The following ACO1 variants were observed in gnomAD, a reference collection of about 807,000 sequenced individuals.
ACO1 encodes the protein aconitase 1.
In ACO1, 78 loss-of-function variants were observed where a neutral mutation model predicts 105.1. That is an observed-to-expected ratio of 0.74 (90% CI 0.62 to 0.90). The LOEUF (loss-of-function observed/expected upper bound fraction) is 0.90. ACO1 is among the 40% of genes least tolerant of loss of function. ACO1 has a pLI of 0.00. For synonymous variants in ACO1, 364 were observed against 397.4 expected (o/e 0.92, Z 1.00); for missense variants, 965 against 1,111.1 (o/e 0.87, Z 1.87).
Position 32,434,672 on chromosome 9 carries a change from T to C in ACO1, c.2070T>C (p.Ser690=). ...ISPAGNIARN[S]PAARYLTNRG... ...CAGCTGGAAATATTGCAAGAAACAG[T>C]CCTGCTGCTCGCTACTTAACTAACA... Residue 690 remains serine (S), a synonymous_variant, in exon 17 of 21, where the codon AGT becomes AGC. Coordinates refer to ENST00000309951, the MANE Select transcript of ACO1 (RefSeq NM_002197.3). The C allele has an allele frequency of 6.2e-7, 1 of 1,614,094 alleles. No homozygotes were observed. The highest frequency in any genetic ancestry group is 8.5e-7 in the Non-Finnish European group (1 of 1,179,968).
At chr9:32,428,980 GGGTATATGT>G (rs1822165110) in intron 12 of ACO1, among the ~76,000 whole-genome samples, 1 of 152,258 alleles carries the variant, frequency 6.6e-6, no homozygotes, top group African/African-American at 2.4e-5. Flanking sequence ...ATATACATTT[GGGTATATGT>G]GGTCTATCAC....
At chr9:32,425,674 C>G (rs1359153450) in intron 10 of ACO1, among the ~76,000 whole-genome samples, 164 bp from the exon 11 acceptor site, 1 of 152,150 alleles carries the variant, frequency 6.6e-6, no homozygotes. Flanking sequence ...TGCAGAGATA[C>G]TTATGCTTTT....
At chr9:32,440,948 A>T (rs1324345877) in intron 19 of ACO1, among the ~76,000 whole-genome samples, 1 of 152,042 alleles carries the variant, frequency 6.6e-6, no homozygotes, top group African/African-American at 2.4e-5. Context: ...GAGGACCCCA[A>T]ATTTATTCAG....
In ACO1 at chr9:32,443,967, C is replaced by G. The variant is rs565510393; in HGVS notation, c.2370+3380C>G. Among the ~76,000 whole-genome samples, 6 of 152,308 alleles carry G rather than the reference C, an allele frequency of 3.9e-5. No individual in the cohort carries two copies. In the East Asian group the frequency reaches 9.6e-4, roughly 24 times the overall value. On this transcript the variant is annotated intron_variant, in intron 19 of 20. Coordinates refer to ENST00000309951, the MANE Select transcript of ACO1 (RefSeq NM_002197.3). ...GTATTCCTCCTAATGCTATCCCTCC[C>G]CTAGCCCCTGACCCGCCAACAGGCC...
At chr9:32,429,573 A>G (rs1822180337) in intron 13 of ACO1, 70 bp downstream of exon 13, 2 of 1,362,326 alleles carry the variant, frequency 1.5e-6, no homozygotes, top group South Asian at 2.4e-5. Context: ...AAAAATGCTG[A>G]TATTTTCAAG....
intron 4 of ACO1, among the ~76,000 whole-genome samples, chr9:32,413,505 T>C (rs529733947): frequency 1.3e-5 from 2 of 151,822 alleles, no homozygotes; most frequent in South Asian, 2.1e-4. Context: ...AAAAAAAATC[T>C]TTTAGAAGTG....
intron 10 of ACO1, among the ~76,000 whole-genome samples, chr9:32,425,252 T>C (rs1822063150): frequency 6.6e-6 from 1 of 152,252 alleles, no homozygotes; most frequent in African/African-American, 2.4e-5. Context: ...GCAAGGTACC[T>C]AGCACAGTAT....
At position 32,424,726 on chromosome 9, in the gene ACO1, C is replaced by T. The variant is rs114405511; in HGVS notation, c.1188+61C>T. ...CTCTACCTCTTGCCTGGTTACTCAG[C>T]GTCCAGGCTTTCATCCCACTTGACA... On this transcript the variant is annotated intron_variant, in intron 10 of 20. Coordinates refer to ENST00000309951, the MANE Select transcript of ACO1 (RefSeq NM_002197.3). 5,979 of 1,142,012 alleles carry T rather than the reference C, an allele frequency of 5.2e-3. 218 individuals carry two copies. The African/African-American group carries it at 0.081, about 15-fold the overall frequency. 70.7% of individuals were successfully genotyped at this position (1,142,012 alleles called of 1,614,324 possible).
rs1423659832 is a variant in ACO1 at position 32,452,807 on chromosome 9, A to AAATG, written c.*2699_*2700insGAAT. On this transcript the variant is annotated 3_prime_UTR_variant, in exon 21 of 21. Transcript: ENST00000309951. ...TCTACAAAAAAAAAAATAAATAAAT[A>AAATG]AATAAATAAAATAAATCAGCCAGGT... 2.6e-5 allele frequency: 4 copies of AAATG among 151,818 alleles called. No individual in the cohort carries two copies. Among genetic ancestry groups the AAATG allele is most frequent in the Non-Finnish European group, 4.4e-5 (3 of 68,026 alleles). The allele number at this position is 151,818 out of a possible 1,614,324, so 9.4% of individuals were successfully genotyped here. A position where few individuals can be genotyped will look rare whatever the true frequency, so the allele number is the denominator to read the frequency against.
intron 1 of ACO1, among the ~76,000 whole-genome samples, chr9:32,389,403 C>T (rs1012713855): frequency 6.6e-6 from 1 of 152,128 alleles, no homozygotes; most frequent in African/African-American, 2.4e-5. Flanking sequence ...ATGTTTACAC[C>T]TGGTATGTTG....
intron 6 of ACO1, 131 bp from the exon 7 acceptor site, chr9:32,418,907 A>G (rs185121058): frequency 4.4e-6 from 5 of 1,128,040 alleles, no homozygotes; most frequent in Non-Finnish European, 5.9e-6. Flanking sequence ...ACTGCTCTTT[A>G]TAGAAACATG....
At chr9:32,434,821 C>A in intron 17 of ACO1, 120 bp downstream of exon 17, 1 of 1,225,462 alleles carries the variant, frequency 8.2e-7, no homozygotes, top group Non-Finnish European at 1.1e-6. Flanking sequence ...TGCACTGAGG[C>A]TTAACCCTGG....
At chr9:32,393,860 T>G (rs1821317203) in intron 1 of ACO1, among the ~76,000 whole-genome samples, 1 of 152,194 alleles carries the variant, frequency 6.6e-6, no homozygotes. Flanking sequence ...TTGCCTTGTC[T>G]TATTGACTGT....
Position 32,395,998 on chromosome 9 carries a change from C to G in ACO1, c.-22-9487C>G, listed in dbSNP as rs190614765. 7.3e-4 allele frequency among the ~76,000 whole-genome samples: 111 copies of G among 152,364 alleles called. 1 individual carries two copies. The highest frequency in any genetic ancestry group is 2.2e-4 in the Non-Finnish European group (15 of 68,036). On this transcript the variant is annotated intron_variant, in intron 1 of 20. Transcript: ENST00000309951. Reference sequence around the variant, plus strand: ...CCTCAAGAGGCAGGGGCTGCCTGGTCAGGCATTGCTATAGCGTGGCCCTGG... The same window carrying G: ...CCTCAAGAGGCAGGGGCTGCCTGGTGAGGCATTGCTATAGCGTGGCCCTGG...
At chr9:32,390,155 C>A (rs1451459265) in intron 1 of ACO1, among the ~76,000 whole-genome samples, 1 of 152,188 alleles carries the variant, frequency 6.6e-6, no homozygotes, top group Non-Finnish European at 1.5e-5. Context: ...GAGTTGGCAT[C>A]TTCATTTGCA....
intron 17 of ACO1, 135 bp from the exon 18 acceptor site, chr9:32,436,115 A>T (rs557577744): frequency 4.1e-6 from 5 of 1,215,404 alleles, no homozygotes; most frequent in African/African-American, 1.5e-5. Context: ...GCCATGGAGA[A>T]CAATGCTTAG....
At chr9:32,405,626 A>T in intron 2 of ACO1, 23 bp downstream of exon 2, 1 of 1,513,666 alleles carries the variant, frequency 6.6e-7, no homozygotes, top group Non-Finnish European at 9.1e-7. Flanking sequence ...CTGTGATAGC[A>T]ATTGGAATCT....
chr9:32,418,055 T>A, intron 4 of ACO1, 73 bp from the exon 5 acceptor site: 5 of 1,390,860 alleles, frequency 3.6e-6, no homozygotes, highest in Non-Finnish European at 5.0e-6. Flanking sequence ...ATTTTGTTTC[T>A]TCATCACCAA....
chr9:32,450,538 T>C lies in ACO1; in HGVS notation c.*427T>C. The C allele has an allele frequency of 7.2e-6, 2 of 279,566 alleles. No homozygotes were observed. The highest frequency in any genetic ancestry group is 1.4e-5 in the Non-Finnish European group (2 of 142,780). 17.3% of individuals were successfully genotyped at this position (279,566 alleles called of 1,614,324 possible). On this transcript the variant is annotated 3_prime_UTR_variant, in exon 21 of 21. Coordinates refer to ENST00000309951, the MANE Select transcript of ACO1 (RefSeq NM_002197.3). ...CCTTCCTCTTGAGGGTCATTTTCCTTTCTGTATTAATTATACCAGTGTTAA... is the reference window on the plus strand; with the variant it reads ...CCTTCCTCTTGAGGGTCATTTTCCTCTCTGTATTAATTATACCAGTGTTAA...
Sources: allele counts gnomAD v4.1 joint callset (sites outside exome capture counted in the v4.1 genomes callset), GRCh38; gene constraint gnomAD v4.1.1; transcripts MANE v1.5; gene names NCBI Gene and HGNC (gene_info 2026-07-23, HGNC 2026-07-21).